Variants in ATAD2 observed in about 807,000 individuals in gnomAD.
ATAD2 encodes the protein ATPase family AAA domain-containing protein 2.
In ATAD2, 62 loss-of-function variants were observed where a neutral mutation model predicts 168.9. The observed-to-expected ratio is 0.37, with a 90% confidence interval of 0.30 to 0.45. ATAD2 has a LOEUF of 0.45. Ranked by LOEUF, ATAD2 falls within the 20% of genes least tolerant of loss-of-function variation. ATAD2 has a pLI of 1.00. For synonymous variants in ATAD2, 613 were observed against 571.6 expected (o/e 1.07, Z -1.03); for missense variants, 1,419 against 1,667.8 (o/e 0.85, Z 2.60).
intron 8 of ATAD2, 124 bp from the exon 9 acceptor site, chr8:123,361,770 C>T (rs1563850640): frequency 1.6e-6 from 1 of 642,468 alleles, no homozygotes; most frequent in Non-Finnish European, 2.6e-6. Flanking sequence ...CATCTGCTGA[C>T]CCACTGACAT....
At chr8:123,377,090 T>TTAAAAAAAAA (rs1297063054) in intron 2 of ATAD2, among the ~76,000 whole-genome samples, 34 of 620 alleles carry the variant, frequency 0.055, no homozygotes, top group African/African-American at 0.14. Flanking sequence ...AGACTCCGTC[T>TTAAAAAAAAA]CAAAAAAAAA....
intron 19 of ATAD2, among the ~76,000 whole-genome samples, chr8:123,340,431 A>G (rs76768131): frequency 0.025 from 3,855 of 152,314 alleles, 74 homozygotes; most frequent in South Asian, 0.043. Flanking sequence ...TAAACACAGA[A>G]TTAGTATATG....
At chr8:123,414,092 CAAAAAAAAAAAAAA>C (rs57662854) in intron 1 of ATAD2, among the ~76,000 whole-genome samples, 2 of 40,592 alleles carry the variant, frequency 4.9e-5, no homozygotes, top group Non-Finnish European at 8.2e-5. Flanking sequence ...ACTCTTATCT[CAAAAAAAAAAAAAA>C]AAAAAAAAAA....
At chr8:123,363,275 T>C (rs1256206682) in intron 8 of ATAD2, among the ~76,000 whole-genome samples, 1 of 152,222 alleles carries the variant, frequency 6.6e-6, no homozygotes, top group Non-Finnish European at 1.5e-5. Flanking sequence ...TACAAGGCAA[T>C]TTTTAGTTTC....
chr8:123,353,116 C>A (rs1192369930), intron 13 of ATAD2, among the ~76,000 whole-genome samples: 1 of 151,714 alleles, frequency 6.6e-6, no homozygotes, highest in Non-Finnish European at 1.5e-5. Flanking sequence ...GTAATCCCAG[C>A]ACTTTGGGAG....
chr8:123,347,033 A>C, intron 16 of ATAD2, 59 bp downstream of exon 16: 1 of 1,471,554 alleles, frequency 6.8e-7, no homozygotes, highest in Non-Finnish European at 9.2e-7. Context: ...GGTATGTATG[A>C]AACATTTCAC....
rs1422511906 is a variant in ATAD2 at position 123,369,804 on chromosome 8, G to A, written c.931+17C>T. On this transcript the variant is annotated intron_variant, in intron 7 of 27. Coordinates refer to ENST00000287394, the MANE Select transcript of ATAD2 (RefSeq NM_014109.4). ...AATATAATTACATCTCCTGGAAAGA[G>A]TATGTATAGCACTTACTTTCCAATG... 1 of 1,565,116 alleles carries A rather than the reference G, an allele frequency of 6.4e-7. No homozygotes were observed. Among genetic ancestry groups the A allele is most frequent in the Non-Finnish European group, 8.8e-7 (1 of 1,138,278 alleles).
At position 123,325,981 on chromosome 8, in the gene ATAD2, T is replaced by A; in HGVS notation, c.3914A>T (p.Glu1305Val). The A allele has an allele frequency of 6.2e-7, 1 of 1,614,154 alleles. No individual in the cohort carries two copies. Among genetic ancestry groups the A allele is most frequent in the South Asian group, 1.1e-5 (1 of 91,076 alleles). The change falls in exon 26 of 28, where the codon GAA becomes GTA. Residue 1305 changes from glutamate (E) to valine (V), a missense_variant. Coordinates refer to ENST00000287394, the MANE Select transcript of ATAD2 (RefSeq NM_014109.4). ...RMTRARRSQV[E>V]QQQLITVEKA... is the part of the protein sequence containing the mutation. ...TTCAACAGTGATGAGCTGCTGCTGT[T>A]CTACCTGGGAACGTCTAGCTCGAGT...
intron 8 of ATAD2, among the ~76,000 whole-genome samples, chr8:123,363,327 C>T (rs1218536643): frequency 6.6e-6 from 1 of 152,126 alleles, no homozygotes; most frequent in African/African-American, 2.4e-5. Context: ...TGTTTTACTA[C>T]AGAATTATTA....
intron 8 of ATAD2, among the ~76,000 whole-genome samples, chr8:123,367,194 A>G (rs1030501816): frequency 1.3e-5 from 2 of 152,006 alleles, no homozygotes; most frequent in African/African-American, 4.8e-5. Flanking sequence ...TGGGTGGATC[A>G]CCTGAGGTCA....
intron 1 of ATAD2, among the ~76,000 whole-genome samples, chr8:123,385,148 C>T (rs1224187205): frequency 1.3e-5 from 2 of 152,184 alleles, no homozygotes; most frequent in Non-Finnish European, 2.9e-5. Context: ...TACAGCTATA[C>T]AGGTTTCCAC....
intron 8 of ATAD2, among the ~76,000 whole-genome samples, chr8:123,364,426 G>A (rs1743670758): frequency 6.6e-6 from 1 of 152,124 alleles, no homozygotes; most frequent in South Asian, 2.1e-4. Context: ...ATCATTCTAT[G>A]AAGTCAGTAT....
chr8:123,407,346 G>A (rs1016728782), intron 1 of ATAD2, among the ~76,000 whole-genome samples: 1 of 152,172 alleles, frequency 6.6e-6, no homozygotes, highest in African/African-American at 2.4e-5. Context: ...GTCTGGGATT[G>A]GTCTTCTCTT....
chr8:123,354,482 G>T (rs1828567513), intron 13 of ATAD2, among the ~76,000 whole-genome samples: 1 of 152,072 alleles, frequency 6.6e-6, no homozygotes, highest in African/African-American at 2.4e-5. Flanking sequence ...GAGACGGGTG[G>T]ATCACCTAAA....
chr8:123,338,444 G>A (rs61375381), intron 20 of ATAD2, among the ~76,000 whole-genome samples: 6,081 of 151,524 alleles, frequency 0.04, 408 homozygotes, highest in African/African-American at 0.14. Flanking sequence ...CTATAAAAAA[G>A]CCTTCTTTAC....
chr8:123,357,237 G>A (rs1205947824), intron 12 of ATAD2, among the ~76,000 whole-genome samples: 6 of 152,102 alleles, frequency 3.9e-5, no homozygotes, highest in South Asian at 2.1e-4. Flanking sequence ...CCGCTCCAGG[G>A]CAGAAATAGT....
At chr8:123,348,888 A>G (rs1828345448) in intron 14 of ATAD2, among the ~76,000 whole-genome samples, 1 of 152,210 alleles carries the variant, frequency 6.6e-6, no homozygotes, top group African/African-American at 2.4e-5. Context: ...GCTGTTTTTA[A>G]GAGTACAGAC....
At chr8:123,321,987 C>CTTTTTTTTTTTTTTTTTTT (rs869048943) in intron 27 of ATAD2, among the ~76,000 whole-genome samples, 19 of 136,464 alleles carry the variant, frequency 1.4e-4, no homozygotes, top group African/African-American at 5.1e-4. Flanking sequence ...GTACATAAGT[C>CTTTTTTTTTTTTTTTTTTT]TTTTTTTTTT....
At position 123,369,945 on chromosome 8, in the gene ATAD2, GTCATCATCATCATCATCT is replaced by G. The variant is rs780667629; in HGVS notation, c.789_806del (p.Glu263_Asp268del). ...CATCATCATCATCATCATCATCATC[GTCATCATCATCATCATCT>G]TCATCATCTTCATCTTCACCATCAT... On this transcript the variant is annotated inframe_deletion, in exon 7 of 28. Transcript: ENST00000287394. The G allele has an allele frequency of 4.0e-6, 6 of 1,497,660 alleles. No individual in the cohort carries two copies. Among genetic ancestry groups the G allele is most frequent in the Non-Finnish European group, 4.5e-6 (5 of 1,106,474 alleles). The allele number at this position is 1,497,660 out of a possible 1,614,324, so 92.8% of individuals were successfully genotyped here.
Sources: allele counts gnomAD v4.1 joint callset (sites outside exome capture counted in the v4.1 genomes callset), GRCh38; gene constraint gnomAD v4.1.1; transcripts MANE v1.5; gene names NCBI Gene and HGNC (gene_info 2026-07-23, HGNC 2026-07-21).